Variants in POLR3B observed in about 807,000 individuals in gnomAD.
POLR3B encodes DNA-directed RNA polymerase III subunit RPC2.
In POLR3B, 96 loss-of-function variants were observed where a neutral mutation model predicts 147.4. The observed-to-expected ratio is 0.65, with a 90% CI of 0.55 to 0.77. The LOEUF (loss-of-function observed/expected upper bound fraction) is 0.77, where lower values mean the gene tolerates loss of function less well. Among genes scored for constraint, POLR3B ranks in the 30% least tolerant of loss-of-function variants. POLR3B has a pLI of 0.00. For synonymous variants in POLR3B, 461 were observed against 485.9 expected (o/e 0.95, Z 0.67); for missense variants, 1,036 against 1,413.5 (o/e 0.73, Z 4.28).
chr12:106,442,250 A>C (rs1427935692), intron 18 of POLR3B, among the ~76,000 whole-genome samples: 2 of 152,044 alleles, frequency 1.3e-5, no homozygotes, highest in Non-Finnish European at 2.9e-5. Context: ...TTGTCACCAT[A>C]AGAGAAAAAA....
At chr12:106,383,988 A>C (rs1335655763) in intron 9 of POLR3B, among the ~76,000 whole-genome samples, 2 of 150,968 alleles carry the variant, frequency 1.3e-5, no homozygotes, top group Non-Finnish European at 2.9e-5. Context: ...AAAAAAAAAA[A>C]AGAGAGAGAA....
intron 6 of POLR3B, among the ~76,000 whole-genome samples, chr12:106,374,539 GAGTCTCGC>G (rs2036652221): frequency 6.6e-6 from 1 of 150,830 alleles, no homozygotes; most frequent in Non-Finnish European, 1.5e-5. Flanking sequence ...TTTTGAGATG[GAGTCTCGC>G]TCTGTTGCCC....
intron 12 of POLR3B, among the ~76,000 whole-genome samples, chr12:106,414,483 T>C (rs2037274756): frequency 6.6e-6 from 1 of 152,142 alleles, no homozygotes; most frequent in Non-Finnish European, 1.5e-5. Context: ...TCTTCTTACA[T>C]GATTCTGAGG....
chr12:106,378,217 A>G (rs1229396369), intron 7 of POLR3B, 50 bp from the exon 8 acceptor site: 3 of 1,121,672 alleles, frequency 2.7e-6, no homozygotes, highest in South Asian at 1.2e-5. Context: ...TACTAAATCA[A>G]CACTGGTTGA....
intron 23 of POLR3B, among the ~76,000 whole-genome samples, chr12:106,480,389 A>C (rs2038249179): frequency 6.6e-6 from 1 of 152,168 alleles, no homozygotes; most frequent in Non-Finnish European, 1.5e-5. Context: ...TTCAGTTTCA[A>C]CATACTAGGA....
intron 6 of POLR3B, among the ~76,000 whole-genome samples, chr12:106,373,341 C>G (rs555243218): frequency 6.6e-6 from 1 of 152,238 alleles, no homozygotes; most frequent in East Asian, 1.9e-4. Flanking sequence ...CATTTATCTT[C>G]TTTATCTCTT....
In POLR3B at chr12:106,358,165, G is replaced by T. The variant is rs1410331852; in HGVS notation, c.72+214G>T. The stretch of plus-strand genomic sequence containing the variant: ...GCTGATCCCAGAGGAGCTGTCAGCC[G>T]CTGCGGGGGCCGAGAAGCCCCGCTG... On this transcript the variant is annotated intron_variant, in intron 1 of 27. Coordinates refer to ENST00000228347, the MANE Select transcript of POLR3B (RefSeq NM_018082.6). 6 of 1,439,860 alleles carry T rather than the reference G, an allele frequency of 4.2e-6. No individual in the cohort carries two copies. In the Admixed American group the frequency reaches 1.1e-4, roughly 26 times the overall value. The allele number at this position is 1,439,860 out of a possible 1,614,324, so 89.2% of individuals were successfully genotyped here.
intron 23 of POLR3B, among the ~76,000 whole-genome samples, chr12:106,489,780 G>A (rs1016324079): frequency 1.4e-4 from 22 of 152,200 alleles, no homozygotes; most frequent in African/African-American, 5.1e-4. Flanking sequence ...TTGTACTCGT[G>A]TAGTACTTGA....
chr12:106,375,221 C>G (rs1404443947), intron 6 of POLR3B, among the ~76,000 whole-genome samples: 1 of 152,180 alleles, frequency 6.6e-6, no homozygotes, highest in African/African-American at 2.4e-5. Flanking sequence ...TCATCCTTCC[C>G]TTTTTGGTAG....
At chr12:106,451,630 A>AGGGGGGGGGGGGGG (rs1177832853) in intron 19 of POLR3B, among the ~76,000 whole-genome samples, 1 of 53,914 alleles carries the variant, frequency 1.9e-5, no homozygotes, top group African/African-American at 1.1e-4. Context: ...ATTTAAAAAA[A>AGGGGGGGGGGGGGG]GGCGGGGGGG....
chr12:106,478,383 A>G (rs1218479406), intron 23 of POLR3B, among the ~76,000 whole-genome samples: 4 of 152,116 alleles, frequency 2.6e-5, no homozygotes, highest in Non-Finnish European at 5.9e-5. Flanking sequence ...GATCTGAAAC[A>G]GCAGATTTTA....
At chr12:106,442,080 CAAA>C (rs1264618766) in intron 18 of POLR3B, among the ~76,000 whole-genome samples, 1 of 97,446 alleles carries the variant, frequency 1.0e-5, no homozygotes, top group Non-Finnish European at 2.0e-5. Context: ...AAATCCGCCT[CAAA>C]AAAAAAAAAG....
At chr12:106,472,804 G>T (rs374451668) in intron 23 of POLR3B, among the ~76,000 whole-genome samples, 2 of 109,868 alleles carry the variant, frequency 1.8e-5, no homozygotes, top group African/African-American at 5.3e-5. Context: ...TTTCTCCCAT[G>T]TTGTAGGTTG....
chr12:106,464,980 C>T (rs868503732), intron 23 of POLR3B, among the ~76,000 whole-genome samples: 4 of 152,200 alleles, frequency 2.6e-5, no homozygotes, highest in Admixed American at 2.6e-4. Flanking sequence ...TTGGTTCCAT[C>T]TGTTAATGTG....
intron 9 of POLR3B, among the ~76,000 whole-genome samples, chr12:106,389,958 C>T (rs1030782266): frequency 6.6e-5 from 10 of 152,174 alleles, no homozygotes; most frequent in African/African-American, 2.4e-4. Context: ...GTGACTTACA[C>T]CTGTAATCCC....
At chr12:106,471,456 C>T (rs2038090930) in intron 23 of POLR3B, among the ~76,000 whole-genome samples, 1 of 152,138 alleles carries the variant, frequency 6.6e-6, no homozygotes, top group African/African-American at 2.4e-5. Flanking sequence ...TTCAGCTTGC[C>T]TTCCGTGAGG....
chr12:106,398,158 T>A (rs1190089534), intron 10 of POLR3B, among the ~76,000 whole-genome samples: 1 of 152,202 alleles, frequency 6.6e-6, no homozygotes, highest in African/African-American at 2.4e-5. Context: ...CCCAACGGGC[T>A]TAAGAAACGG....
Position 106,433,965 on chromosome 12 carries a change from T to C in POLR3B, c.1781+93T>C. Reference sequence around the variant, plus strand: ...CTTGTTTTTATTTTTGAAACTGTTTTAACCTCTTTCATTGTGAAGATAAAT... The same window carrying C: ...CTTGTTTTTATTTTTGAAACTGTTTCAACCTCTTTCATTGTGAAGATAAAT... On this transcript the variant is annotated intron_variant, in intron 16 of 27. Transcript: ENST00000228347. The C allele has an allele frequency of 4.9e-6, 5 of 1,021,278 alleles. No homozygotes were observed. The East Asian group carries it at 1.2e-4, about 25-fold the overall frequency. 63.3% of individuals were successfully genotyped at this position (1,021,278 alleles called of 1,614,324 possible). A position where few individuals can be genotyped will look rare whatever the true frequency, so the allele number is the denominator to read the frequency against.
intron 11 of POLR3B, among the ~76,000 whole-genome samples, chr12:106,407,949 G>A (rs1484845078): frequency 1.3e-5 from 2 of 152,162 alleles, no homozygotes; most frequent in Non-Finnish European, 2.9e-5. Context: ...TCAGGGAAAA[G>A]AACTTTGTTT....
Sources: gnomAD v4.1 joint callset for allele counts (sites outside exome capture counted in the v4.1 genomes callset) on GRCh38, gnomAD v4.1.1 for gene constraint, MANE v1.5 for transcripts, NCBI Gene and HGNC (gene_info 2026-07-23, HGNC 2026-07-21) for gene names.